RNF38: variants seen among roughly 807,000 people sequenced by gnomAD.
RNF38 encodes the protein ring finger protein 38, also known as E3 ubiquitin-protein ligase RNF38.
A neutral mutation model predicts 67.2 loss-of-function variants in RNF38; 15 were observed. The observed-to-expected ratio is 0.22, with a 90% CI of 0.15 to 0.34. RNF38 has a LOEUF of 0.34. Among genes scored for constraint, RNF38 ranks in the 10% least tolerant of loss-of-function variants. RNF38 has a pLI of 1.00. For missense variants in RNF38, 524 were observed against 639.9 expected, an observed-to-expected ratio of 0.82 and a Z score of 1.95; for synonymous variants, 220 against 218.8, an observed-to-expected ratio of 1.01 and a Z score of -0.05.
intron 2 of RNF38, among the ~76,000 whole-genome samples, chr9:36,419,874 G>A (rs976009702): frequency 6.6e-6 from 1 of 152,156 alleles, no homozygotes; most frequent in Non-Finnish European, 1.5e-5. Context: ...ACAGGGTAGG[G>A]ATGACTTGGC....
chr9:36,439,568 G>C (rs913790506), intron 1 of RNF38, among the ~76,000 whole-genome samples: 3 of 152,078 alleles, frequency 2.0e-5, no homozygotes, highest in Admixed American at 2.0e-4. Flanking sequence ...ACTTCGGGAG[G>C]CTGAGGTGGG....
At chr9:36,442,748 T>C (rs1245550719) in intron 1 of RNF38, among the ~76,000 whole-genome samples, 4 of 152,358 alleles carry the variant, frequency 2.6e-5, no homozygotes. Context: ...TATTGCACTC[T>C]AGCCTGGCAA....
At chr9:36,477,392 C>T (rs1157508301) in intron 1 of RNF38, among the ~76,000 whole-genome samples, 1 of 151,542 alleles carries the variant, frequency 6.6e-6, no homozygotes, top group Non-Finnish European at 1.5e-5. Flanking sequence ...AACAACAAAA[C>T]AGGCTGGGCA....
At chr9:36,389,022 CT>C (rs1350511453) in intron 2 of RNF38, among the ~76,000 whole-genome samples, 1 of 152,104 alleles carries the variant, frequency 6.6e-6, no homozygotes, top group Non-Finnish European at 1.5e-5. Flanking sequence ...GAAAGATCTA[CT>C]TTGCTTCATG....
chr9:36,362,350 C>T (rs1441458696), intron 4 of RNF38, among the ~76,000 whole-genome samples: 3 of 151,752 alleles, frequency 2.0e-5, no homozygotes, highest in Admixed American at 6.6e-5. Flanking sequence ...AAGAGCAAAA[C>T]TCCGTCTCGG....
At chr9:36,394,103 C>A (rs572642939) in intron 1 of RNF38, among the ~76,000 whole-genome samples, 2 of 152,236 alleles carry the variant, frequency 1.3e-5, no homozygotes, top group Non-Finnish European at 2.9e-5. Context: ...GATGAAACCC[C>A]ATCTCTACTA....
At chr9:36,393,476 A>G (rs35997198) in intron 1 of RNF38, among the ~76,000 whole-genome samples, 4,891 of 38,510 alleles carry the variant, frequency 0.13, 191 homozygotes, top group African/African-American at 0.17. Context: ...ACACACACAC[A>G]TTGTGTGTGT....
chr9:36,359,783 T>TCG (rs1834386597), intron 4 of RNF38, among the ~76,000 whole-genome samples: 1 of 151,700 alleles, frequency 6.6e-6, no homozygotes, highest in Admixed American at 6.6e-5. Context: ...TCCAGCCTTG[T>TCG]CGCCCAGGCT....
intron 1 of RNF38, among the ~76,000 whole-genome samples, chr9:36,446,793 G>A (rs1839310783): frequency 8.0e-6 from 1 of 125,544 alleles, no homozygotes; most frequent in Non-Finnish European, 1.6e-5. Flanking sequence ...GGGCGACAGA[G>A]TGAGACTCCG....
chr9:36,411,120 T>TTAATATCCAG (rs1456584102), intron 2 of RNF38, among the ~76,000 whole-genome samples: 8 of 147,986 alleles, frequency 5.4e-5, no homozygotes, highest in African/African-American at 2.0e-4. Context: ...TAGTAAGGGG[T>TTAATATCCAG]TAATATCCAG....
In RNF38 at chr9:36,442,954, T is replaced by A. The variant is rs140741945; in HGVS notation, n.242-18271A>T. On this transcript the variant is annotated intron_variant and non_coding_transcript_variant, in intron 1 of 3. Transcript: ENST00000488058. ...CTAGTTGCTCACCCAAATTCTTCAA[T>A]GAGATTAGTAAGTCCTCCTCTGGGC... 1.0e-3 allele frequency among the ~76,000 whole-genome samples: 156 copies of A among 152,318 alleles called. 1 individual carries two copies. Among genetic ancestry groups the A allele is most frequent in the African/African-American group, 3.6e-3 (151 of 41,560 alleles).
At chr9:36,458,058 T>A (rs143565892) in intron 1 of RNF38, among the ~76,000 whole-genome samples, 2 of 152,288 alleles carry the variant, frequency 1.3e-5, no homozygotes, top group African/African-American at 2.4e-5. Flanking sequence ...GGCAGTCCAT[T>A]GATGGTTGCA....
At chr9:36,467,507 T>C (rs1389337040) in intron 1 of RNF38, among the ~76,000 whole-genome samples, 1 of 152,088 alleles carries the variant, frequency 6.6e-6, no homozygotes, top group Non-Finnish European at 1.5e-5. Flanking sequence ...TGTGGGCCTG[T>C]TTCCTCAATA....
intron 5 of RNF38, among the ~76,000 whole-genome samples, chr9:36,357,150 T>A (rs1834190302): frequency 6.6e-6 from 1 of 152,130 alleles, no homozygotes. Flanking sequence ...GAAAGGAGGC[T>A]GAACTGAGAT....
chr9:36,486,633 C>T (rs1840418199), intron 1 of RNF38, among the ~76,000 whole-genome samples: 1 of 152,102 alleles, frequency 6.6e-6, no homozygotes, highest in Non-Finnish European at 1.5e-5. Flanking sequence ...GGTGGCCTGG[C>T]AGAGACCAAA....
rs1473418459 is a variant in RNF38 at position 36,339,249 on chromosome 9, T to C, written c.*503A>G. The C allele has an allele frequency of 1.9e-5, 3 of 158,106 alleles. No individual in the cohort carries two copies. Among genetic ancestry groups the C allele is most frequent in the Non-Finnish European group, 2.8e-5 (2 of 70,976 alleles). 9.8% of individuals were successfully genotyped at this position (158,106 alleles called of 1,614,324 possible). ...CACACATTCTTGGTACATGCTGGTA[T>C]ATAGGATCTCATACACACGTTAGCT... On this transcript the variant is annotated 3_prime_UTR_variant, in exon 12 of 12. Coordinates refer to ENST00000259605, the MANE Select transcript of RNF38 (RefSeq NM_022781.5).
chr9:36,366,475 A>G (rs1834973941), intron 4 of RNF38, among the ~76,000 whole-genome samples: 1 of 152,326 alleles, frequency 6.6e-6, no homozygotes, highest in South Asian at 2.1e-4. Flanking sequence ...CTGGTATTAA[A>G]AAAAATACTG....
intron 1 of RNF38, among the ~76,000 whole-genome samples, chr9:36,483,368 A>G (rs1252432447): frequency 6.6e-6 from 1 of 151,598 alleles, no homozygotes; most frequent in Admixed American, 6.6e-5. Flanking sequence ...CCTGGGCAAC[A>G]AGAGCGAAAC....
intron 9 of RNF38, among the ~76,000 whole-genome samples, chr9:36,346,372 G>C (rs980747459): frequency 1.3e-5 from 2 of 151,968 alleles, no homozygotes; most frequent in African/African-American, 4.8e-5. Flanking sequence ...TTATTTTTTA[G>C]TAGAGACAGG....
Sources: gnomAD v4.1 joint callset for allele counts (sites outside exome capture counted in the v4.1 genomes callset) on GRCh38, gnomAD v4.1.1 for gene constraint, MANE v1.5 for transcripts, NCBI Gene and HGNC (gene_info 2026-07-23, HGNC 2026-07-21) for gene names.